Variants in CHRM2 observed in about 807,000 individuals in gnomAD.
CHRM2 encodes cholinergic receptor muscarinic 2, also known as muscarinic acetylcholine receptor M2.
CHRM2 carries 8 observed loss-of-function variants against 25.0 expected under a neutral mutation model. The observed-to-expected ratio is 0.32, with a 90% CI of 0.19 to 0.58. The LOEUF is 0.58. Ranked by LOEUF, CHRM2 falls within the 20% of genes least tolerant of loss-of-function variation. CHRM2 has a pLI of 0.88. For missense variants in CHRM2, 440 were observed against 567.1 expected (o/e 0.78, Z 2.28); for synonymous variants, 202 against 205.7 (o/e 0.98, Z 0.15).
intron 2 of CHRM2, among the ~76,000 whole-genome samples, chr7:136,873,673 T>C (rs532796419): frequency 1.3e-5 from 2 of 152,334 alleles, no homozygotes; most frequent in East Asian, 3.9e-4. Flanking sequence ...GTTCTTATAG[T>C]GTGTCAATCG....
chr7:136,967,596 C>T (rs1246912444), intron 2 of CHRM2, among the ~76,000 whole-genome samples: 1 of 152,046 alleles, frequency 6.6e-6, no homozygotes, highest in African/African-American at 2.4e-5. Context: ...TCTTAACACA[C>T]ATTAGGCCCT....
At chr7:136,993,985 A>G (rs1803405311) in intron 3 of CHRM2, among the ~76,000 whole-genome samples, 1 of 152,178 alleles carries the variant, frequency 6.6e-6, no homozygotes, top group South Asian at 2.1e-4. Context: ...CTATGTTTCC[A>G]CTGTTTTGTT....
chr7:136,871,117 C>T, intron 2 of CHRM2: 1 of 154,008 alleles, frequency 6.5e-6, no homozygotes, highest in Non-Finnish European at 1.4e-5. Context: ...CAGCCACCGC[C>T]AGGGTCATGG....
chr7:136,995,150 T>C (rs1446342118), intron 3 of CHRM2, among the ~76,000 whole-genome samples: 2 of 152,182 alleles, frequency 1.3e-5, no homozygotes, highest in Admixed American at 1.3e-4. Context: ...ACAAAACTAA[T>C]AATTTTATCT....
intron 3 of CHRM2, among the ~76,000 whole-genome samples, chr7:136,994,401 C>T (rs887279272): frequency 3.3e-5 from 5 of 151,828 alleles, no homozygotes; most frequent in Non-Finnish European, 5.9e-5. Flanking sequence ...AAAATAAACT[C>T]GCATTTTATT....
In CHRM2 at chr7:136,990,489, T is replaced by C. The variant is rs1028641021; in HGVS notation, c.-124-1698T>C. Among the ~76,000 whole-genome samples, 3 of 152,292 alleles carry C rather than the reference T, an allele frequency of 2.0e-5. No homozygotes were observed. The South Asian group carries it at 6.2e-4, about 32-fold the overall frequency. On this transcript the variant is annotated intron_variant, in intron 2 of 3. Transcript: ENST00000680005. ...CATACAGTATGCGGTCTTTTCATAT[T>C]GCTGTCTCTCACGTAACAATATGCA...
rs779204250 is a variant in CHRM2 at position 137,014,838 on chromosome 7, T to C, written c.-28T>C. 1 of 1,587,454 alleles carries C rather than the reference T, an allele frequency of 6.3e-7. No homozygotes were observed. Among genetic ancestry groups the C allele is most frequent in the South Asian group, 1.1e-5 (1 of 90,494 alleles). The stretch of plus-strand genomic sequence containing the variant: ...CTTGCAGGTTTAAATGTTTATTTGC[T>C]ACTTGGCTACTGATTAGAGAACGCA... On this transcript the variant is annotated 5_prime_UTR_variant, in exon 4 of 4. Transcript: ENST00000680005.
intron 3 of CHRM2, among the ~76,000 whole-genome samples, chr7:136,993,936 C>T (rs1803400500): frequency 6.6e-6 from 1 of 152,124 alleles, no homozygotes; most frequent in African/African-American, 2.4e-5. Flanking sequence ...CTCGTACATT[C>T]AATGATAAAT....
intron 3 of CHRM2, among the ~76,000 whole-genome samples, chr7:137,000,516 T>C (rs1326860816): frequency 4.7e-5 from 4 of 84,900 alleles, no homozygotes; most frequent in African/African-American, 1.8e-4. Context: ...TATATTATTA[T>C]TAAAAAAAAA....
intron 2 of CHRM2, among the ~76,000 whole-genome samples, chr7:136,928,544 C>T (rs1310021601): frequency 3.9e-5 from 6 of 152,158 alleles, no homozygotes; most frequent in African/African-American, 1.4e-4. Context: ...ATCCACTTTA[C>T]TTGTATTCAT....
intron 2 of CHRM2, among the ~76,000 whole-genome samples, chr7:136,878,374 T>C (rs924367338): frequency 1.9e-4 from 29 of 151,962 alleles, no homozygotes; most frequent in Non-Finnish European, 3.8e-4. Flanking sequence ...TGTGCTATGC[T>C]GGATGGAGGT....
At chr7:136,940,283 C>G (rs1029096407) in intron 2 of CHRM2, among the ~76,000 whole-genome samples, 1 of 152,150 alleles carries the variant, frequency 6.6e-6, no homozygotes, top group Non-Finnish European at 1.5e-5. Context: ...ATACAATCTT[C>G]GACAGCTGCC....
chr7:136,894,357 T>C (rs1163747905), intron 2 of CHRM2, among the ~76,000 whole-genome samples: 2 of 152,150 alleles, frequency 1.3e-5, no homozygotes, highest in African/African-American at 4.8e-5. Context: ...TTATAATTTC[T>C]AGAATGCTAG....
chr7:136,895,248 ATG>A (rs1299686558), intron 2 of CHRM2, among the ~76,000 whole-genome samples: 2 of 152,184 alleles, frequency 1.3e-5, no homozygotes, highest in Non-Finnish European at 2.9e-5. Flanking sequence ...GATAACATTT[ATG>A]TGTGTCCTAT....
chr7:137,007,592 C>T (rs758837569), intron 3 of CHRM2, among the ~76,000 whole-genome samples: 9 of 151,988 alleles, frequency 5.9e-5, no homozygotes, highest in Non-Finnish European at 1.2e-4. Context: ...AAAGAAAAAA[C>T]AAAAAGTGGA....
intron 2 of CHRM2, chr7:136,903,337 A>G (rs113823370): frequency 1.1e-5 from 5 of 449,290 alleles, no homozygotes; most frequent in Non-Finnish European, 2.3e-5. Flanking sequence ...TCTATAGTGT[A>G]TGTGCAAATC....
intron 2 of CHRM2, among the ~76,000 whole-genome samples, chr7:136,971,321 C>T (rs1253831395): frequency 6.6e-6 from 1 of 152,138 alleles, no homozygotes; most frequent in Admixed American, 6.6e-5. Flanking sequence ...ACAATTTAGA[C>T]CACACTAGTT....
rs553008888 is a variant in CHRM2, at chr7:136,972,527, G to A, written c.-124-19660G>A. Among the ~76,000 whole-genome samples the A allele has an allele frequency of 1.3e-3, 197 of 151,884 alleles. 2 individuals are homozygous for A. In the South Asian group the frequency reaches 0.023, roughly 18 times the overall value. On this transcript the variant is annotated intron_variant, in intron 2 of 3. Coordinates refer to ENST00000680005, the MANE Select transcript of CHRM2 (RefSeq NM_001006630.2). ...GGCCAGTGATTCCATTCCCTCTAGC[G>A]TTTTCTCAGATTTAATTTCTTATGA...
intron 2 of CHRM2, among the ~76,000 whole-genome samples, chr7:136,924,879 T>C (rs1006291471): frequency 6.6e-6 from 1 of 152,202 alleles, no homozygotes; most frequent in Non-Finnish European, 1.5e-5. Context: ...ACACAGAGTA[T>C]TTCATAAGGA....
Sources: allele counts gnomAD v4.1 joint callset (sites outside exome capture counted in the v4.1 genomes callset), GRCh38; gene constraint gnomAD v4.1.1; transcripts MANE v1.5; gene names NCBI Gene and HGNC (gene_info 2026-07-23, HGNC 2026-07-21).